EBF1: variants seen among roughly 807,000 people sequenced by gnomAD.
The protein encoded by EBF1 is transcription factor COE1.
Under a neutral mutation model 68.4 loss-of-function variants are expected in EBF1, and 10 were observed. The observed-to-expected ratio is 0.15, with a 90% CI of 0.09 to 0.25. The LOEUF (loss-of-function observed/expected upper bound fraction) is 0.25. Among genes scored for constraint, EBF1 ranks in the 10% least tolerant of loss-of-function variants. The pLI, the probability that EBF1 is intolerant of heterozygous loss-of-function variation, is 1.00. For synonymous variants in EBF1, 298 were observed against 299.8 expected (o/e 0.99, Z 0.06); for missense variants, 509 against 794.4 (o/e 0.64, Z 4.32).
chr5:159,082,221 A>G (rs2127975815), intron 5 of EBF1, among the ~76,000 whole-genome samples: 1 of 152,264 alleles, frequency 6.6e-6, no homozygotes, highest in Non-Finnish European at 1.5e-5. Context: ...CTCCTTCACC[A>G]TAGCCAACAT....
intron 6 of EBF1, among the ~76,000 whole-genome samples, chr5:158,849,337 C>T (rs1792159887): frequency 6.6e-6 from 1 of 152,148 alleles, no homozygotes; most frequent in South Asian, 2.1e-4. Context: ...GTGCCCTGAA[C>T]ATGAAATCTC....
intron 6 of EBF1, among the ~76,000 whole-genome samples, chr5:159,027,463 C>G (rs1350377187): frequency 6.6e-6 from 1 of 152,200 alleles, no homozygotes; most frequent in Non-Finnish European, 1.5e-5. Flanking sequence ...ACATTCAGCA[C>G]TCAATCATTA....
chr5:159,075,012 T>C (rs376289819), intron 5 of EBF1, among the ~76,000 whole-genome samples: 46 of 152,316 alleles, frequency 3.0e-4, no homozygotes, highest in Non-Finnish European at 5.4e-4. Flanking sequence ...ATCCCTGAAC[T>C]CTGATCCCCT....
intron 4 of EBF1, among the ~76,000 whole-genome samples, chr5:159,087,847 T>C (rs1780987201): frequency 6.6e-6 from 1 of 152,058 alleles, no homozygotes; most frequent in Non-Finnish European, 1.5e-5. Flanking sequence ...CACAGAAAAA[T>C]GAAACCATCA....
intron 6 of EBF1, among the ~76,000 whole-genome samples, chr5:159,049,217 C>A (rs564560770): frequency 6.6e-6 from 1 of 152,336 alleles, no homozygotes; most frequent in South Asian, 2.1e-4. Context: ...ATTAGCATGA[C>A]AATGTCTGCA....
chr5:158,884,135 C>T (rs908201851), intron 6 of EBF1, among the ~76,000 whole-genome samples: 1 of 152,194 alleles, frequency 6.6e-6, no homozygotes, highest in Non-Finnish European at 1.5e-5. Context: ...GCTTAAGTCA[C>T]TGTTGTCATA....
At chr5:158,965,476 G>A (rs1157937293) in intron 6 of EBF1, among the ~76,000 whole-genome samples, 1 of 152,210 alleles carries the variant, frequency 6.6e-6, no homozygotes, top group Non-Finnish European at 1.5e-5. Flanking sequence ...ACAGAGAGTA[G>A]AGACTGCTCT....
chr5:158,955,513 G>A (rs1561619337), intron 6 of EBF1, among the ~76,000 whole-genome samples: 3 of 152,110 alleles, frequency 2.0e-5, no homozygotes, highest in Admixed American at 1.3e-4. Flanking sequence ...CAGAGCACAG[G>A]GGCCAGAGTG....
intron 7 of EBF1, 109 bp from the exon 8 acceptor site, chr5:158,823,426 AT>A (rs1785304847): frequency 9.8e-7 from 1 of 1,016,986 alleles, no homozygotes; most frequent in Non-Finnish European, 1.4e-6. Context: ...TTGCATAGCT[AT>A]TTCACATAAT....
At chr5:158,834,303 G>A (rs747882407) in intron 7 of EBF1, among the ~76,000 whole-genome samples, 2 of 152,124 alleles carry the variant, frequency 1.3e-5, no homozygotes, top group Non-Finnish European at 2.9e-5. Flanking sequence ...GTGTCAAGAC[G>A]AAGAAATAGG....
Position 158,731,198 on chromosome 5 carries a change from A to G in EBF1, c.1037-41T>C, listed in dbSNP as rs753917018. The stretch of plus-strand genomic sequence containing the variant: ...CACACAATTAGTACATTTTCAAGAA[A>G]TAAAGCTGAACATGGCTTGCAACAC... On this transcript the variant is annotated intron_variant, in intron 10 of 15. Coordinates refer to ENST00000313708, the MANE Select transcript of EBF1 (RefSeq NM_024007.5). 1.2e-5 allele frequency: 19 copies of G among 1,584,874 alleles called. No homozygotes were observed. The South Asian group carries it at 1.9e-4, about 16-fold the overall frequency.
At chr5:158,736,596 C>T (rs1765239091) in intron 10 of EBF1, among the ~76,000 whole-genome samples, 3 of 152,158 alleles carry the variant, frequency 2.0e-5, no homozygotes, top group Admixed American at 1.3e-4. Context: ...AACCTCATAG[C>T]AGAGGCAATG....
rs1425165891 is a variant in EBF1 at position 158,823,212 on chromosome 5, C to A, written c.742G>T (p.Asp248Tyr). 1 of 1,614,006 alleles carries A rather than the reference C, an allele frequency of 6.2e-7. No individual in the cohort carries two copies. The highest frequency in any genetic ancestry group is 2.2e-5 in the East Asian group (1 of 44,880). Residue 248 changes from aspartate to tyrosine, a missense_variant, in exon 8 of 16, where the codon GAC becomes TAC. By Grantham distance (160) the Asp-to-Tyr change is radical. This residue lies in a region of EBF1 where 230 missense variants were observed against 467.7 expected (regional missense o/e 0.49). Transcript: ENST00000313708. The stretch of plus-strand genomic sequence containing the variant: ...TAAGAGGGCGTACCTTCCGAGGGGT[C>A]AAGCCTCCGAGCCCTCCGCCCATGC... ...SKHGRRARRLDPSEGTPSYLE... is the reference protein window; with the variant it reads ...SKHGRRARRLYPSEGTPSYLE...
At chr5:158,709,849 G>A (rs1041984242) in intron 14 of EBF1, among the ~76,000 whole-genome samples, 3 of 152,074 alleles carry the variant, frequency 2.0e-5, no homozygotes, top group East Asian at 1.9e-4. Context: ...TTAAATATTC[G>A]TAGACTTGAA....
chr5:158,903,455 T>C (rs1379012262), intron 6 of EBF1, among the ~76,000 whole-genome samples: 1 of 152,172 alleles, frequency 6.6e-6, no homozygotes, highest in Non-Finnish European at 1.5e-5. Flanking sequence ...GGGAAGTCCC[T>C]TGATTAGGGG....
intron 11 of EBF1, among the ~76,000 whole-genome samples, chr5:158,719,167 G>A (rs1424482370): frequency 6.6e-6 from 1 of 152,102 alleles, no homozygotes; most frequent in Non-Finnish European, 1.5e-5. Context: ...AATTCCCAAA[G>A]GTCAAGTTTT....
At chr5:159,066,630 G>GACAC (rs34606310) in intron 6 of EBF1, among the ~76,000 whole-genome samples, 25 of 148,680 alleles carry the variant, frequency 1.7e-4, no homozygotes, top group African/African-American at 3.7e-4. Context: ...TACATGCACA[G>GACAC]ACACACACAC....
chr5:159,003,697 GGACTGAGCACATGC>G (rs1763004866), intron 6 of EBF1, among the ~76,000 whole-genome samples: 1 of 152,190 alleles, frequency 6.6e-6, no homozygotes, highest in Admixed American at 6.5e-5. Context: ...CATTCATTGA[GGACTGAGCACATGC>G]CCACAAGCCA....
intron 6 of EBF1, among the ~76,000 whole-genome samples, chr5:158,932,743 GA>G (rs1811158859): frequency 6.6e-6 from 1 of 152,096 alleles, no homozygotes; most frequent in Admixed American, 6.5e-5. Flanking sequence ...AGAGATTACT[GA>G]AATGCTGGAA....
Sources: allele counts gnomAD v4.1 joint callset (sites outside exome capture counted in the v4.1 genomes callset), GRCh38; gene constraint gnomAD v4.1.1; regional missense constraint gnomAD v4.1.1; transcripts MANE v1.5; gene names NCBI Gene and HGNC (gene_info 2026-07-23, HGNC 2026-07-21).